RBFOX3: variants seen among roughly 807,000 people sequenced by gnomAD.
RBFOX3 encodes RNA binding protein fox-1 homolog 3.
A neutral mutation model predicts 48.7 loss-of-function variants in RBFOX3; 17 were observed. The observed-to-expected ratio is 0.35, with a 90% confidence interval of 0.24 to 0.52. The LOEUF (loss-of-function observed/expected upper bound fraction) is 0.52, where lower values mean the gene tolerates loss of function less well. Among genes scored for constraint, RBFOX3 ranks in the 20% least tolerant of loss-of-function variants. The pLI is 0.94. For synonymous variants in RBFOX3, 212 were observed against 209.5 expected, an observed-to-expected ratio of 1.01 and a Z score of -0.10; for missense variants, 382 against 497.5, an observed-to-expected ratio of 0.77 and a Z score of 2.21.
intron 6 of RBFOX3, among the ~76,000 whole-genome samples, chr17:79,105,083 G>T (rs2077121611): frequency 6.6e-6 from 1 of 152,212 alleles, no homozygotes; most frequent in South Asian, 2.1e-4. Context: ...AGGTCCCCAG[G>T]GCCTGTCCTG....
At chr17:79,387,070 C>T (rs1311983833) in intron 2 of RBFOX3, among the ~76,000 whole-genome samples, 1 of 152,220 alleles carries the variant, frequency 6.6e-6, no homozygotes, top group African/African-American at 2.4e-5. Flanking sequence ...TGAACAGGGA[C>T]AGGAAAGCAG....
chr17:79,143,873 G>A (rs2042449294), intron 4 of RBFOX3, among the ~76,000 whole-genome samples: 1 of 152,244 alleles, frequency 6.6e-6, no homozygotes, highest in Non-Finnish European at 1.5e-5. Context: ...GCTCAAGCCA[G>A]GACACCCCAG....
At chr17:79,452,636 G>C (rs1300372274) in intron 2 of RBFOX3, among the ~76,000 whole-genome samples, 1 of 152,174 alleles carries the variant, frequency 6.6e-6, no homozygotes, top group Non-Finnish European at 1.5e-5. Context: ...ACAGAGCGGA[G>C]AGGGGAGGCT....
At chr17:79,458,586 T>G (rs1555746681) in intron 2 of RBFOX3, among the ~76,000 whole-genome samples, 2 of 124,774 alleles carry the variant, frequency 1.6e-5, no homozygotes, top group Non-Finnish European at 3.6e-5. Context: ...TGGGTTGGGG[T>G]TTATTTAATT....
chr17:79,127,627 G>A (rs1252704949), intron 4 of RBFOX3, among the ~76,000 whole-genome samples: 1 of 152,192 alleles, frequency 6.6e-6, no homozygotes, highest in Non-Finnish European at 1.5e-5. Flanking sequence ...GCCCCCGACC[G>A]GCGCCCTTGA....
At position 79,495,688 on chromosome 17, in the gene RBFOX3, T is replaced by A. The variant is rs1331044416; in HGVS notation, c.-319-13090A>T. On this transcript the variant is annotated intron_variant, in intron 1 of 14. Transcript: ENST00000693108. The stretch of plus-strand genomic sequence containing the variant: ...ATGGAATGCATGGGACAGGCACAGG[T>A]ACATAAAGGTGGTTGGGGGCACAGG... Among the ~76,000 whole-genome samples, 7 of 104,632 alleles carry A rather than the reference T, an allele frequency of 6.7e-5. No homozygotes were observed. The Admixed American group carries it at 8.1e-4, about 12-fold the overall frequency. The allele number at this position is 104,632 out of a possible 152,430, so 68.6% of individuals were successfully genotyped here.
chr17:79,167,980 G>GAGTGGGGGGC (rs1303100538), intron 4 of RBFOX3, among the ~76,000 whole-genome samples: 1 of 152,228 alleles, frequency 6.6e-6, no homozygotes, highest in East Asian at 1.9e-4. Flanking sequence ...TCCAACCACA[G>GAGTGGGGGGC]AGTGGGGGGC....
chr17:79,487,913 G>GAAGAAAAAA (rs2079885669), intron 1 of RBFOX3, among the ~76,000 whole-genome samples: 1 of 76,902 alleles, frequency 1.3e-5, no homozygotes, highest in African/African-American at 4.5e-5. Flanking sequence ...CCCCATCTCA[G>GAAGAAAAAA]AAAAAAAAAA....
intron 1 of RBFOX3, among the ~76,000 whole-genome samples, chr17:79,565,867 G>A (rs1292167098): frequency 6.6e-6 from 1 of 152,196 alleles, no homozygotes; most frequent in Middle Eastern, 3.4e-3. Flanking sequence ...GCTGGCTCAC[G>A]CTACAGCTTG....
At chr17:79,646,106 C>T in the RBFOX3 span, among the ~76,000 whole-genome samples, 2 of 152,132 alleles carry the variant, frequency 1.3e-5, no homozygotes, top group East Asian at 1.9e-4. Context: ...TCACCCCCAA[C>T]CCCCAGCCAC....
chr17:79,242,021 C>A lies in RBFOX3; in HGVS notation c.-73-6216G>T, dbSNP rs375330937. Among the ~76,000 whole-genome samples the A allele has an allele frequency of 6.6e-6, 1 of 152,254 alleles. No homozygotes were observed. The highest frequency in any genetic ancestry group is 1.5e-5 in the Non-Finnish European group (1 of 68,046). ...TTTAGTGCAGCACACACAGCTTCCA[C>A]GTATTCACTCGATTCTTTGCTTTCT... On this transcript the variant is annotated intron_variant, in intron 3 of 14. Coordinates refer to ENST00000693108, the MANE Select transcript of RBFOX3 (RefSeq NM_001350451.2). This position sits in a 1 kb window ranked among gnomAD's most constrained non-coding sequence, Gnocchi z 5.8.
chr17:79,227,224 C>A (rs2060411575), intron 4 of RBFOX3, among the ~76,000 whole-genome samples: 1 of 152,216 alleles, frequency 6.6e-6, no homozygotes, highest in African/African-American at 2.4e-5. Context: ...CGAATTCCAG[C>A]AGAGGAGGGA....
In RBFOX3 at chr17:79,521,522, G is replaced by A. The variant is rs948924846; in HGVS notation, c.-319-38924C>T. On this transcript the variant is annotated intron_variant, in intron 1 of 14. Transcript: ENST00000693108. Reference sequence around the variant, plus strand: ...CAGATATATACTCACAGACACATACGGATACATTGACAGACACACATTCAC... The same window carrying A: ...CAGATATATACTCACAGACACATACAGATACATTGACAGACACACATTCAC... Among the ~76,000 whole-genome samples the A allele has an allele frequency of 2.8e-4, 42 of 150,646 alleles. 1 individual carries two copies. Among genetic ancestry groups the A allele is most frequent in the African/African-American group, 2.7e-4 (11 of 40,856 alleles).
intron 2 of RBFOX3, among the ~76,000 whole-genome samples, chr17:79,344,050 T>C (rs979085861): frequency 3.3e-5 from 5 of 152,180 alleles, no homozygotes; most frequent in Admixed American, 6.5e-5. Context: ...CAAACACTTA[T>C]ATAAACCACA....
chr17:79,144,102 A>G (rs988531020), intron 4 of RBFOX3, among the ~76,000 whole-genome samples: 1 of 152,076 alleles, frequency 6.6e-6, no homozygotes, highest in African/African-American at 2.4e-5. Context: ...GGGTCCAGAG[A>G]TCTCCCTGCA....
chr17:79,174,473 C>T (rs1215752875), intron 4 of RBFOX3, among the ~76,000 whole-genome samples: 1 of 151,972 alleles, frequency 6.6e-6, no homozygotes, highest in Non-Finnish European at 1.5e-5. Flanking sequence ...GCACACAATG[C>T]AGTCACACAC....
chr17:79,444,787 A>C (rs1438380394), intron 2 of RBFOX3, among the ~76,000 whole-genome samples: 2 of 152,048 alleles, frequency 1.3e-5, no homozygotes, highest in African/African-American at 4.8e-5. Context: ...ACATTCAGAT[A>C]TATATATAGT....
chr17:79,524,659 G>A (rs2086565095), intron 1 of RBFOX3, among the ~76,000 whole-genome samples: 1 of 152,178 alleles, frequency 6.6e-6, no homozygotes, highest in African/African-American at 2.4e-5. Context: ...CACGGGCACT[G>A]GGGGTTAGAT....
At chr17:79,275,643 G>A (rs964292623) in intron 3 of RBFOX3, among the ~76,000 whole-genome samples, 1 of 152,202 alleles carries the variant, frequency 6.6e-6, no homozygotes, top group Non-Finnish European at 1.5e-5. Context: ...CACTGTGCCT[G>A]GCTCTCTGCC....
Sources: gnomAD v4.1 joint callset for allele counts (sites outside exome capture counted in the v4.1 genomes callset) on GRCh38, gnomAD v4.1.1 for gene constraint, Gnocchi (gnomAD v3.1) non-coding constraint, MANE v1.5 for transcripts, NCBI Gene and HGNC (gene_info 2026-07-23, HGNC 2026-07-21) for gene names.